The following ERBIN variants were observed in gnomAD, a reference collection of about 807,000 sequenced individuals.
ERBIN encodes the protein erbb2 interacting protein, also known as densin-180-like protein.
In ERBIN, 60 loss-of-function variants were observed where a neutral mutation model predicts 158.4. The ratio of observed to expected loss-of-function variants is 0.38; its 90% CI spans 0.31 to 0.47. The LOEUF (loss-of-function observed/expected upper bound fraction) is 0.47. Among genes scored for constraint, ERBIN ranks in the 20% least tolerant of loss-of-function variants. The pLI is 0.99. For missense variants in ERBIN, 1,610 were observed against 1,648.0 expected, an observed-to-expected ratio of 0.98 and a Z score of 0.40; for synonymous variants, 594 against 557.2, an observed-to-expected ratio of 1.07 and a Z score of -0.93.
chr5:66,044,357 T>C (rs1292149928), intron 17 of ERBIN, 47 bp downstream of exon 17: 4 of 1,520,426 alleles, frequency 2.6e-6, no homozygotes, highest in Non-Finnish European at 2.6e-6. Flanking sequence ...CAAGTTCTTA[T>C]TTTTAAATGA....
intron 8 of ERBIN, 76 bp downstream of exon 8, chr5:66,021,461 C>A (rs764877790): frequency 1.6e-5 from 18 of 1,102,158 alleles, no homozygotes; most frequent in Non-Finnish European, 2.1e-5. Context: ...TAATGTATTT[C>A]TCTTACAAAT....
chr5:66,076,364 G>C lies in ERBIN; in HGVS notation c.4012G>C (p.Gly1338Arg). 6.2e-7 allele frequency: 1 copy of C among 1,613,628 alleles called. No individual in the cohort carries two copies. Among genetic ancestry groups the C allele is most frequent in the South Asian group, 1.1e-5 (1 of 91,012 alleles). ...KDPELGFSISGGVGGRGNPFR... is the reference protein window; with the variant it reads ...KDPELGFSISRGVGGRGNPFR... The stretch of plus-strand genomic sequence containing the variant: ...TCCAGAACTTGGATTTAGCATATCA[G>C]GTGGTGTCGGGGGTAGAGGAAACCC... The change falls in exon 24 of 26, where the codon GGT becomes CGT. Residue 1338 changes from glycine (G) to arginine (R), a missense_variant. Physicochemically the swap from Gly to Arg is moderately radical, Grantham distance 125. Coordinates refer to ENST00000284037, the MANE Select transcript of ERBIN (RefSeq NM_001253697.2).
rs1045459564 is a variant in ERBIN at position 66,082,018 on chromosome 5, T to C, written c.*3488T>C. 3.3e-5 allele frequency: 5 copies of C among 152,190 alleles called. No individual in the cohort carries two copies. The highest frequency in any genetic ancestry group is 5.9e-5 in the Non-Finnish European group (4 of 68,010). The allele number at this position is 152,190 out of a possible 1,614,324, so 9.4% of individuals were successfully genotyped here. Reference sequence around the variant, plus strand: ...ACCATATTCTACCTAAAGCTGCTAATTCTTTACAGAATTCATAAGCCCAGG... The same window carrying C: ...ACCATATTCTACCTAAAGCTGCTAACTCTTTACAGAATTCATAAGCCCAGG... On this transcript the variant is annotated 3_prime_UTR_variant, in exon 26 of 26. Transcript: ENST00000284037.
chr5:65,944,486 C>T (rs943174167), intron 1 of ERBIN, among the ~76,000 whole-genome samples: 5 of 152,072 alleles, frequency 3.3e-5, no homozygotes, highest in Non-Finnish European at 7.4e-5. Flanking sequence ...ACTGCAGCCT[C>T]CTCTTCCTCC....
chr5:65,991,816 G>A (rs1342371280), intron 2 of ERBIN, among the ~76,000 whole-genome samples: 1 of 152,132 alleles, frequency 6.6e-6, no homozygotes, highest in East Asian at 1.9e-4. Context: ...TTTTGCACCA[G>A]TGTGTAACCT....
rs886990985 is a variant in ERBIN at position 66,081,188 on chromosome 5, AT to A, written c.*2659del. The A allele has an allele frequency of 9.9e-5, 15 of 152,118 alleles. No individual in the cohort carries two copies. The highest frequency in any genetic ancestry group is 4.1e-4 in the South Asian group (2 of 4,824). The allele number at this position is 152,118 out of a possible 1,614,324, so 9.4% of individuals were successfully genotyped here. ...ATTTCTTACTCTAACCAGTAAAAAA[AT>A]AATACTGATCAGAGTAATTTATACG... On this transcript the variant is annotated 3_prime_UTR_variant, in exon 26 of 26. Coordinates refer to ENST00000284037, the MANE Select transcript of ERBIN (RefSeq NM_001253697.2).
At chr5:65,948,507 A>T (rs1293430663) in intron 1 of ERBIN, among the ~76,000 whole-genome samples, 1 of 152,070 alleles carries the variant, frequency 6.6e-6, no homozygotes, top group Non-Finnish European at 1.5e-5. Context: ...TAATAAAAAG[A>T]GAAGGGTAAA....
intron 1 of ERBIN, among the ~76,000 whole-genome samples, chr5:65,946,254 C>T (rs1223237528): frequency 6.6e-6 from 1 of 152,056 alleles, no homozygotes; most frequent in Non-Finnish European, 1.5e-5. Flanking sequence ...GTCTCAGCTA[C>T]TCAGGAGGCT....
chr5:66,018,492 T>TATTATAATATATAATATATAATATATAA (rs1331154080), intron 7 of ERBIN, among the ~76,000 whole-genome samples: 1 of 8,384 alleles, frequency 1.2e-4, no homozygotes, highest in Non-Finnish European at 2.4e-4. Context: ...ATATATTATA[T>TATTATAATATATAATATATAATATATAA]TATATAATAT....
rs777956515 is a variant in ERBIN at position 66,053,385 on chromosome 5, A to G, written c.2088-21A>G. On this transcript the variant is annotated intron_variant, in intron 20 of 25. Transcript: ENST00000284037. ...AAAACTCGGCTTTATTATGTTTTTC[A>G]TAAAATTATCTTTATTTTAGGCAAG... 8.7e-6 allele frequency: 12 copies of G among 1,382,130 alleles called. No individual in the cohort carries two copies. The African/African-American group carries it at 1.5e-4, about 17-fold the overall frequency. 85.6% of individuals were successfully genotyped at this position (1,382,130 alleles called of 1,614,324 possible).
intron 7 of ERBIN, among the ~76,000 whole-genome samples, chr5:66,016,787 G>A (rs971444159): frequency 6.6e-6 from 1 of 151,872 alleles, no homozygotes; most frequent in African/African-American, 2.4e-5. Context: ...CTAATTTTTT[G>A]TATTTTTAGT....
At chr5:66,000,600 A>G (rs1193571674) in intron 4 of ERBIN, among the ~76,000 whole-genome samples, 1 of 152,160 alleles carries the variant, frequency 6.6e-6, no homozygotes, top group Non-Finnish European at 1.5e-5. Flanking sequence ...GAATGACGTT[A>G]CTTATTGCTG....
intron 4 of ERBIN, among the ~76,000 whole-genome samples, chr5:66,002,716 G>C (rs1753127656): frequency 6.6e-6 from 1 of 152,216 alleles, no homozygotes; most frequent in African/African-American, 2.4e-5. Context: ...GATGACTGGG[G>C]ACAAACTAGT....
At chr5:65,961,508 T>A (rs532516709) in intron 1 of ERBIN, among the ~76,000 whole-genome samples, 72 of 152,208 alleles carry the variant, frequency 4.7e-4, no homozygotes, top group Non-Finnish European at 8.7e-4. Flanking sequence ...TGCCAATGTA[T>A]ATGTATTAAT....
chr5:66,035,974 A>T (rs1365321921), intron 14 of ERBIN, among the ~76,000 whole-genome samples: 1 of 152,126 alleles, frequency 6.6e-6, no homozygotes, highest in Non-Finnish European at 1.5e-5. Flanking sequence ...CTGTAGTACC[A>T]GCTCCTTGGG....
rs996929377 is a variant in ERBIN, at chr5:66,011,968, T to G, written c.308-81T>G. On this transcript the variant is annotated intron_variant, in intron 4 of 25. Coordinates refer to ENST00000284037, the MANE Select transcript of ERBIN (RefSeq NM_001253697.2). Reference sequence around the variant, plus strand: ...TTAATTGGTATATTACTTTAGAATCTGGAAGGCATATATTATTGTTACTGT... The same window carrying G: ...TTAATTGGTATATTACTTTAGAATCGGGAAGGCATATATTATTGTTACTGT... 3.7e-6 allele frequency: 3 copies of G among 813,790 alleles called. No homozygotes were observed. In the African/African-American group the frequency reaches 5.2e-5, roughly 14 times the overall value. The allele number at this position is 813,790 out of a possible 1,614,324, so 50.4% of individuals were successfully genotyped here.
chr5:66,018,137 G>A (rs1411422961), intron 7 of ERBIN, among the ~76,000 whole-genome samples: 3 of 151,642 alleles, frequency 2.0e-5, no homozygotes, highest in African/African-American at 7.3e-5. Flanking sequence ...TTTTTGCTTA[G>A]CATCACTGTG....
intron 8 of ERBIN, among the ~76,000 whole-genome samples, chr5:66,021,656 T>G (rs942090649): frequency 6.6e-6 from 1 of 151,940 alleles, no homozygotes; most frequent in African/African-American, 2.4e-5. Flanking sequence ...AAGCAGAAAA[T>G]TTGAGTGATT....
Position 66,014,131 on chromosome 5 carries a change from A to G in ERBIN, c.476+493A>G, listed in dbSNP as rs546593657. Among the ~76,000 whole-genome samples, 4 of 152,306 alleles carry G rather than the reference A, an allele frequency of 2.6e-5. No homozygotes were observed. In the South Asian group the frequency reaches 8.3e-4, roughly 32 times the overall value. On this transcript the variant is annotated intron_variant, in intron 6 of 25. Coordinates refer to ENST00000284037, the MANE Select transcript of ERBIN (RefSeq NM_001253697.2). Reference sequence around the variant, plus strand: ...TAAATTAACTACTAGAGAAAATGCTAGCCAACTAAATGTTAATTTTGTAGC... The same window carrying G: ...TAAATTAACTACTAGAGAAAATGCTGGCCAACTAAATGTTAATTTTGTAGC...
Sources: gnomAD v4.1 joint callset for allele counts (sites outside exome capture counted in the v4.1 genomes callset) on GRCh38, gnomAD v4.1.1 for gene constraint, MANE v1.5 for transcripts, NCBI Gene and HGNC (gene_info 2026-07-23, HGNC 2026-07-21) for gene names.